Variants in ZNF18 observed in about 807,000 individuals in gnomAD.
ZNF18 encodes zinc finger protein 18.
Under a neutral mutation model 58.1 loss-of-function variants are expected in ZNF18, and 42 were observed. The ratio of observed to expected loss-of-function variants is 0.72; its 90% CI spans 0.56 to 0.93. The LOEUF (loss-of-function observed/expected upper bound fraction) is 0.93. ZNF18 is among the 40% of genes least tolerant of loss of function. The pLI is 0.00. For synonymous variants in ZNF18, 231 were observed against 239.8 expected, an observed-to-expected ratio of 0.96 and a Z score of 0.34; for missense variants, 540 against 644.2, an observed-to-expected ratio of 0.84 and a Z score of 1.75.
Position 11,993,042 on chromosome 17 carries a change from C to T in ZNF18, c.-82-131G>A, listed in dbSNP as rs141651694. The stretch of plus-strand genomic sequence containing the variant: ...CTTTTGAAATTGCTCAATGGATACA[C>T]GATTCTATTTTGAAAGATTATAAAC... On this transcript the variant is annotated intron_variant, in intron 1 of 6. Transcript: ENST00000580306. The T allele has an allele frequency of 1.0e-3, 575 of 553,960 alleles. 8 individuals are homozygous for T. The East Asian group carries it at 0.016, about 15-fold the overall frequency. 34.3% of individuals were successfully genotyped at this position (553,960 alleles called of 1,614,324 possible).
In ZNF18 at chr17:11,978,625, A is replaced by C. The variant is rs765856443; in HGVS notation, c.982T>G (p.Phe328Val). The C allele has an allele frequency of 6.2e-7, 1 of 1,614,048 alleles. No individual in the cohort carries two copies. Among genetic ancestry groups the C allele is most frequent in the East Asian group, 2.2e-5 (1 of 44,870 alleles). ...EVPSQASLRG[F>V]FTEDEPGCFG... is the part of the protein sequence containing the mutation. ...CATCCTGGCTCATCCTCAGTGAAGAAGCCCCTCAAGGAAGCCTGAGAAGGA... is the reference window on the plus strand; with the variant it reads ...CATCCTGGCTCATCCTCAGTGAAGACGCCCCTCAAGGAAGCCTGAGAAGGA... The change falls in exon 7 of 7, where the codon TTC becomes GTC. Residue 328 changes from phenylalanine (F) to valine (V), a missense_variant. Coordinates refer to ENST00000580306, the MANE Select transcript of ZNF18 (RefSeq NM_001303281.2).
rs147370147 is a variant in ZNF18 at position 11,994,046 on chromosome 17, T to C, written c.-82-1135A>G. Among the ~76,000 whole-genome samples the C allele has an allele frequency of 2.2e-3, 338 of 152,264 alleles. 3 individuals carry two copies. The highest frequency in any genetic ancestry group is 1.9e-3 in the Non-Finnish European group (127 of 68,020). On this transcript the variant is annotated intron_variant, in intron 1 of 6. Coordinates refer to ENST00000580306, the MANE Select transcript of ZNF18 (RefSeq NM_001303281.2). ...TTAACTTTCTTGCAAGTAATCACAA[T>C]ATAGGATTACTGGGTAAATCCTTAA...
upstream of ZNF18, chr17:11,998,551 TATC>T (rs1006507574): frequency 2.8e-3 from 425 of 150,194 alleles, 3 homozygotes; most frequent in African/African-American, 9.6e-3. Flanking sequence ...TACCTGTCAT[TATC>T]ATAACATGTC....
chr17:11,985,487 G>C (rs1327620639), intron 4 of ZNF18, among the ~76,000 whole-genome samples: 1 of 152,196 alleles, frequency 6.6e-6, no homozygotes, highest in Non-Finnish European at 1.5e-5. Flanking sequence ...GATAAATAAT[G>C]CAAGTGTCAC....
In ZNF18 at chr17:11,978,443, C is replaced by T; in HGVS notation, c.1164G>A (p.Glu388=). 1 of 1,565,762 alleles carries T rather than the reference C, an allele frequency of 6.4e-7. No individual in the cohort carries two copies. Among genetic ancestry groups the T allele is most frequent in the Non-Finnish European group, 8.6e-7 (1 of 1,158,292 alleles). The part of the protein sequence containing the change: ...HSGEMSTMWL[E]EKRETSQKGQ... ...CCTTCTGGGAGGTCTCTCTCTTCTC[C>T]TCAAGCCACATGGTGGACATTTCTC... The change falls in exon 7 of 7, where the codon GAG becomes GAA. Residue 388 remains glutamate (E), a synonymous_variant. Coordinates refer to ENST00000580306, the MANE Select transcript of ZNF18 (RefSeq NM_001303281.2).
At chr17:11,989,459 C>A (rs137920507) in intron 4 of ZNF18, among the ~76,000 whole-genome samples, 1 of 152,052 alleles carries the variant, frequency 6.6e-6, no homozygotes, top group South Asian at 2.1e-4. Flanking sequence ...GATATTAATA[C>A]AAATACAACT....
chr17:12,004,983 T>C, the ZNF18 span, among the ~76,000 whole-genome samples: 1 of 151,336 alleles, frequency 6.6e-6, no homozygotes, highest in Non-Finnish European at 1.5e-5. Context: ...TGTGTATATT[T>C]ACACTGAGTT....
chr17:12,000,064 A>G (rs937969470), upstream of ZNF18, among the ~76,000 whole-genome samples: 1 of 152,084 alleles, frequency 6.6e-6, no homozygotes, highest in African/African-American at 2.4e-5. Context: ...GGGATTACAC[A>G]TGCTTGCCAC....
At chr17:11,980,168 G>A (rs1191083867) in intron 6 of ZNF18, among the ~76,000 whole-genome samples, 2 of 152,152 alleles carry the variant, frequency 1.3e-5, no homozygotes, top group African/African-American at 2.4e-5. Flanking sequence ...ATTGGGCAGA[G>A]GGGGAAGTGG....
the ZNF18 span, among the ~76,000 whole-genome samples, chr17:12,005,153 A>G: frequency 6.7e-6 from 1 of 148,978 alleles, no homozygotes; most frequent in African/African-American, 2.5e-5. Flanking sequence ...GAAGTTATAT[A>G]TATACAGATT....
At chr17:12,014,489 T>C in the ZNF18 span, among the ~76,000 whole-genome samples, 1 of 152,210 alleles carries the variant, frequency 6.6e-6, no homozygotes, top group African/African-American at 2.4e-5. Context: ...TGGTACAACA[T>C]AGATGAACGT....
At chr17:11,979,960 CTTA>C (rs112940981) in intron 6 of ZNF18, among the ~76,000 whole-genome samples, 7 of 152,240 alleles carry the variant, frequency 4.6e-5, no homozygotes, top group African/African-American at 1.7e-4. Flanking sequence ...ATCTAATTTG[CTTA>C]TTGTGTTTTT....
intron 4 of ZNF18, among the ~76,000 whole-genome samples, chr17:11,984,937 A>G (rs763675589): frequency 1.1e-4 from 17 of 152,216 alleles, no homozygotes; most frequent in Admixed American, 2.0e-4. Flanking sequence ...CAAAGAAAGA[A>G]GTTAAAAAGG....
At chr17:12,019,043 C>T in the ZNF18 span, among the ~76,000 whole-genome samples, 1 of 151,914 alleles carries the variant, frequency 6.6e-6, no homozygotes, top group East Asian at 1.9e-4. Flanking sequence ...CAACCTCTGC[C>T]TCCCAGGTTC....
chr17:11,985,585 A>G (rs2151476774), intron 4 of ZNF18, among the ~76,000 whole-genome samples: 1 of 152,332 alleles, frequency 6.6e-6, no homozygotes, highest in African/African-American at 2.4e-5. Context: ...GTATGTGCAC[A>G]CATGTAAGTA....
chr17:12,009,951 T>C, the ZNF18 span, among the ~76,000 whole-genome samples: 14 of 152,180 alleles, frequency 9.2e-5, no homozygotes, highest in Admixed American at 9.2e-4. Flanking sequence ...ATCTATGTAA[T>C]ATTAGCAGAT....
chr17:11,982,830 G>A (rs1185468885), intron 6 of ZNF18, among the ~76,000 whole-genome samples: 1 of 152,134 alleles, frequency 6.6e-6, no homozygotes, highest in Non-Finnish European at 1.5e-5. Flanking sequence ...TTTATACGAA[G>A]TATTTGTTGA....
the ZNF18 span, among the ~76,000 whole-genome samples, chr17:12,017,247 G>C: frequency 6.6e-6 from 1 of 151,966 alleles, no homozygotes; most frequent in Non-Finnish European, 1.5e-5. Flanking sequence ...ATGAAACTTT[G>C]GTTCTTTAAT....
chr17:11,986,719 T>C (rs188953621), intron 4 of ZNF18, among the ~76,000 whole-genome samples: 1 of 152,340 alleles, frequency 6.6e-6, no homozygotes, highest in African/African-American at 2.4e-5. Context: ...TCAGAACACA[T>C]GGACCTTGGC....
Sources: gnomAD v4.1 joint callset for allele counts (sites outside exome capture counted in the v4.1 genomes callset) on GRCh38, gnomAD v4.1.1 for gene constraint, MANE v1.5 for transcripts, NCBI Gene and HGNC (gene_info 2026-07-23, HGNC 2026-07-21) for gene names.